PTPRR: variants seen among roughly 807,000 people sequenced by gnomAD.
PTPRR encodes the protein receptor-type tyrosine-protein phosphatase R.
PTPRR carries 38 observed loss-of-function variants against 77.2 expected under a neutral mutation model. That is an observed-to-expected ratio of 0.49 (90% CI 0.38 to 0.65). PTPRR has a LOEUF of 0.65. PTPRR is among the 30% of genes least tolerant of loss of function. The pLI is 0.00. For missense variants in PTPRR, 744 were observed against 799.2 expected (o/e 0.93, Z 0.83); for synonymous variants, 299 against 283.1 (o/e 1.06, Z -0.57).
At chr12:70,883,596 A>T (rs1430654641) in intron 2 of PTPRR, among the ~76,000 whole-genome samples, 7 of 152,178 alleles carry the variant, frequency 4.6e-5, no homozygotes, top group Non-Finnish European at 8.8e-5. Flanking sequence ...GCCAAGGACT[A>T]TACTAAGTTA....
At chr12:70,866,736 G>T (rs1433135606) in intron 2 of PTPRR, among the ~76,000 whole-genome samples, 1 of 152,096 alleles carries the variant, frequency 6.6e-6, no homozygotes. Context: ...CCAAAAAAGA[G>T]AATTTTAGAC....
At chr12:70,882,318 T>C (rs994190713) in intron 2 of PTPRR, among the ~76,000 whole-genome samples, 1 of 152,148 alleles carries the variant, frequency 6.6e-6, no homozygotes, top group Non-Finnish European at 1.5e-5. Context: ...ACCCCATCAC[T>C]AGCTATGATA....
intron 2 of PTPRR, among the ~76,000 whole-genome samples, chr12:70,848,567 G>A (rs1169575732): frequency 1.3e-5 from 2 of 152,134 alleles, no homozygotes; most frequent in South Asian, 4.1e-4. Flanking sequence ...CAAGTGATCT[G>A]TCCGCCTTGG....
At chr12:70,831,883 C>T (rs1044095044) in intron 2 of PTPRR, among the ~76,000 whole-genome samples, 1 of 152,198 alleles carries the variant, frequency 6.6e-6, no homozygotes, top group African/African-American at 2.4e-5. Context: ...CTGAGGGGTT[C>T]TTCTTGTAGC....
intron 2 of PTPRR, among the ~76,000 whole-genome samples, chr12:70,882,522 G>A (rs1893166905): frequency 6.6e-6 from 1 of 152,092 alleles, no homozygotes; most frequent in South Asian, 2.1e-4. Flanking sequence ...AGGCCAGTCC[G>A]GCAAGACGCA....
intron 6 of PTPRR, among the ~76,000 whole-genome samples, chr12:70,734,069 G>T (rs531251560): frequency 2.6e-5 from 4 of 152,176 alleles, no homozygotes; most frequent in African/African-American, 9.7e-5. Flanking sequence ...AGAACTGGTC[G>T]CTCTTAAAAT....
chr12:70,728,177 G>C (rs1889511337), intron 6 of PTPRR, among the ~76,000 whole-genome samples: 1 of 144,618 alleles, frequency 6.9e-6, no homozygotes, highest in South Asian at 2.2e-4. Flanking sequence ...GAAATGCTTG[G>C]GACCAGAAGT....
chr12:70,762,607 CT>C (rs1412536269), intron 3 of PTPRR, among the ~76,000 whole-genome samples: 1 of 152,202 alleles, frequency 6.6e-6, no homozygotes, highest in Non-Finnish European at 1.5e-5. Context: ...CCAATAACAA[CT>C]ACTGTAGGTA....
chr12:70,643,336 T>G (rs1323235407), intron 13 of PTPRR, among the ~76,000 whole-genome samples: 4 of 151,532 alleles, frequency 2.6e-5, no homozygotes, highest in Admixed American at 1.3e-4. Context: ...GTGTTTGTTT[T>G]GTTTGTTTTG....
intron 2 of PTPRR, among the ~76,000 whole-genome samples, chr12:70,887,306 G>C (rs1893256362): frequency 6.6e-6 from 1 of 152,028 alleles, no homozygotes; most frequent in African/African-American, 2.4e-5. Flanking sequence ...AAAAAATTTA[G>C]CTGGGCGTGG....
intron 2 of PTPRR, among the ~76,000 whole-genome samples, chr12:70,818,532 G>A (rs1891947588): frequency 6.6e-6 from 1 of 152,098 alleles, no homozygotes; most frequent in Admixed American, 6.6e-5. Context: ...TGCAGAAGAA[G>A]ATTGAACTTG....
chr12:70,781,995 G>A (rs528319087), intron 2 of PTPRR, among the ~76,000 whole-genome samples: 4 of 152,226 alleles, frequency 2.6e-5, no homozygotes, highest in Admixed American at 6.5e-5. Flanking sequence ...TTGCTCAGTT[G>A]TTGTTATGAT....
chr12:70,802,069 C>G (rs1236781569), intron 2 of PTPRR, among the ~76,000 whole-genome samples: 1 of 152,106 alleles, frequency 6.6e-6, no homozygotes, highest in Non-Finnish European at 1.5e-5. Flanking sequence ...CATTGCTGAA[C>G]AGAATGATTG....
intron 13 of PTPRR, among the ~76,000 whole-genome samples, chr12:70,652,033 C>G (rs1423307692): frequency 6.6e-6 from 1 of 152,056 alleles, no homozygotes; most frequent in South Asian, 2.1e-4. Flanking sequence ...GTATTAAATA[C>G]ATAGTGCATT....
At chr12:70,886,482 T>G (rs1893241804) in intron 2 of PTPRR, among the ~76,000 whole-genome samples, 1 of 152,244 alleles carries the variant, frequency 6.6e-6, no homozygotes. Flanking sequence ...TTTTATTTTT[T>G]ATTAGTATCT....
chr12:70,756,843 C>T (rs958823031), intron 4 of PTPRR, among the ~76,000 whole-genome samples: 1 of 151,976 alleles, frequency 6.6e-6, no homozygotes, highest in Non-Finnish European at 1.5e-5. Flanking sequence ...CTAGGAGAGA[C>T]GATTCAGAGA....
chr12:70,662,469 A>G, intron 11 of PTPRR, 26 bp downstream of exon 11: 1 of 1,363,970 alleles, frequency 7.3e-7, no homozygotes, highest in South Asian at 1.2e-5. Context: ...TCTACTTTGT[A>G]GATGGCTATA....
At chr12:70,658,800 C>T (rs4397898) in intron 12 of PTPRR, among the ~76,000 whole-genome samples, 9,196 of 143,396 alleles carry the variant, frequency 0.064, 440 homozygotes, top group Admixed American at 0.15. Flanking sequence ...AGTTTACATA[C>T]TCAAATGTGT....
At chr12:70,832,875 G>C (rs551135708) in intron 2 of PTPRR, among the ~76,000 whole-genome samples, 27 of 152,294 alleles carry the variant, frequency 1.8e-4, no homozygotes, top group African/African-American at 6.5e-4. Context: ...GGGGGAGCAG[G>C]CATGCTACTT....
Sources: gnomAD v4.1 joint callset for allele counts (sites outside exome capture counted in the v4.1 genomes callset) on GRCh38, gnomAD v4.1.1 for gene constraint, MANE v1.5 for transcripts, NCBI Gene and HGNC (gene_info 2026-07-23, HGNC 2026-07-21) for gene names.